IL1RAPL1: variants seen among roughly 807,000 people sequenced by gnomAD.
The protein encoded by IL1RAPL1 is interleukin 1 receptor accessory protein like 1, also known as interleukin-1 receptor accessory protein-like 1.
IL1RAPL1 carries 3 observed loss-of-function variants against 48.4 expected under a neutral mutation model. The observed-to-expected ratio is 0.06, with a 90% confidence interval of 0.03 to 0.16. IL1RAPL1 has a LOEUF of 0.16. Ranked by LOEUF, IL1RAPL1 falls within the 10% of genes least tolerant of loss-of-function variation. IL1RAPL1 has a pLI of 1.00. For missense variants in IL1RAPL1, 349 were observed against 530.6 expected (o/e 0.66, Z 3.36); for synonymous variants, 185 against 187.7 (o/e 0.99, Z 0.12).
chrX:29,016,311 A>G (rs1926239612), intron 2 of IL1RAPL1, among the ~76,000 whole-genome samples: 1 of 111,916 alleles, frequency 8.9e-6, no homozygotes, highest in Non-Finnish European at 1.9e-5. Flanking sequence ...GCTTATAGTT[A>G]CAAAGTAAGC....
chrX:28,962,699 A>G (rs1924813177), intron 2 of IL1RAPL1, among the ~76,000 whole-genome samples: 1 of 111,344 alleles, frequency 9.0e-6, no homozygotes, highest in African/African-American at 3.3e-5. Flanking sequence ...TTTACATTCT[A>G]TTAGGTGTTA....
chrX:29,955,841 C>T lies in IL1RAPL1; in HGVS notation c.*21C>T. The T allele has an allele frequency of 8.7e-6, 10 of 1,150,196 alleles. No homozygotes were observed. Among genetic ancestry groups the T allele is most frequent in the East Asian group, 3.0e-5 (1 of 33,552 alleles). 94.8% of individuals were successfully genotyped at this position (1,150,196 alleles called of 1,213,427 possible). On this transcript the variant is annotated 3_prime_UTR_variant, in exon 11 of 11. Transcript: ENST00000378993. ...GGTGACAGAAAAGCAAGGGACATCCCGTCCCTGGGAGGTTGAGTGGAATCT... is the reference window on the plus strand; with the variant it reads ...GGTGACAGAAAAGCAAGGGACATCCTGTCCCTGGGAGGTTGAGTGGAATCT...
intron 5 of IL1RAPL1, among the ~76,000 whole-genome samples, chrX:29,484,850 A>G (rs997134839): frequency 8.9e-6 from 1 of 112,025 alleles, no homozygotes; most frequent in African/African-American, 3.2e-5. Flanking sequence ...TTATGGAATA[A>G]AAGAAGAGAG....
intron 3 of IL1RAPL1, among the ~76,000 whole-genome samples, chrX:29,385,651 G>A (rs1234408569): frequency 1.8e-5 from 2 of 112,000 alleles, no homozygotes; most frequent in Admixed American, 9.4e-5. Flanking sequence ...ATGTTCTCAG[G>A]TTTCATCCAT....
intron 1 of IL1RAPL1, among the ~76,000 whole-genome samples, chrX:28,656,313 C>T (rs1014618534): frequency 2.7e-5 from 3 of 111,274 alleles, no homozygotes; most frequent in Non-Finnish European, 5.6e-5. Context: ...CTGCCTCTAG[C>T]CCTGCCACAG....
chrX:29,356,132 A>G (rs1011918221), intron 3 of IL1RAPL1, among the ~76,000 whole-genome samples: 1 of 111,394 alleles, frequency 9.0e-6, no homozygotes, highest in African/African-American at 3.3e-5. Flanking sequence ...ATATGTATTC[A>G]TGCATTAATT....
At chrX:29,802,816 T>C (rs771641615) in intron 6 of IL1RAPL1, among the ~76,000 whole-genome samples, 1 of 74,749 alleles carries the variant, frequency 1.3e-5, no homozygotes, top group African/African-American at 6.1e-5. Context: ...TATATGTGTG[T>C]ATATATATGT....
chrX:29,741,935 G>GAAAAAAAAAAAAAAA (rs1182352727), intron 6 of IL1RAPL1, among the ~76,000 whole-genome samples: 91 of 61,074 alleles, frequency 1.5e-3, no homozygotes, highest in Non-Finnish European at 1.8e-3. Flanking sequence ...AAAAAAAAAA[G>GAAAAAAAAAAAAAAA]AAAAAAAAAA....
At chrX:29,565,719 T>G (rs1922379039) in intron 5 of IL1RAPL1, among the ~76,000 whole-genome samples, 5 of 111,942 alleles carry the variant, frequency 4.5e-5, no homozygotes. Context: ...AAACTTTTGG[T>G]ATTTACCCTT....
intron 1 of IL1RAPL1, among the ~76,000 whole-genome samples, chrX:28,695,932 A>G (rs1238730979): frequency 8.9e-6 from 1 of 112,100 alleles, no homozygotes; most frequent in African/African-American, 3.2e-5. Flanking sequence ...GTGGCTCTCA[A>G]TAAATGATGG....
intron 6 of IL1RAPL1, among the ~76,000 whole-genome samples, chrX:29,723,284 T>C (rs1246417960): frequency 8.9e-6 from 1 of 112,673 alleles, no homozygotes; most frequent in Non-Finnish European, 1.9e-5. Flanking sequence ...GGTCTTGCTC[T>C]ATGGCCCAGG....
chrX:28,648,811 C>T (rs1221462252), intron 1 of IL1RAPL1, among the ~76,000 whole-genome samples: 2 of 111,555 alleles, frequency 1.8e-5, no homozygotes, highest in Non-Finnish European at 3.8e-5. Context: ...GTCCCTGTAA[C>T]GAACAATCAA....
At chrX:29,072,085 A>G (rs771675755) in intron 2 of IL1RAPL1, among the ~76,000 whole-genome samples, 40 of 110,787 alleles carry the variant, frequency 3.6e-4, no homozygotes, top group African/African-American at 1.3e-3. Flanking sequence ...GCTGACTTAT[A>G]TTTAAATATA....
intron 2 of IL1RAPL1, among the ~76,000 whole-genome samples, chrX:29,262,138 G>T (rs1399165082): frequency 9.0e-6 from 1 of 111,596 alleles, no homozygotes; most frequent in African/African-American, 3.3e-5. Context: ...TACCTACCGT[G>T]AATAAACCAA....
chrX:29,027,266 T>C (rs1448718575), intron 2 of IL1RAPL1, among the ~76,000 whole-genome samples: 2 of 112,536 alleles, frequency 1.8e-5, no homozygotes, highest in African/African-American at 6.5e-5. Flanking sequence ...CTTTCTAGAA[T>C]GTCACATATT....
At chrX:29,724,779 G>T (rs761650237) in intron 6 of IL1RAPL1, among the ~76,000 whole-genome samples, 2 of 111,933 alleles carry the variant, frequency 1.8e-5, no homozygotes, top group South Asian at 7.5e-4. Context: ...GAATATGGTT[G>T]TTTTGATGAT....
intron 2 of IL1RAPL1, among the ~76,000 whole-genome samples, chrX:28,898,267 A>G (rs1019247065): frequency 9.8e-5 from 11 of 111,783 alleles, no homozygotes; most frequent in African/African-American, 3.6e-4. Flanking sequence ...AGATTTTTAA[A>G]TTTTGATAAC....
chrX:29,041,509 A>T (rs1364771291), intron 2 of IL1RAPL1, among the ~76,000 whole-genome samples: 1 of 112,004 alleles, frequency 8.9e-6, no homozygotes. Context: ...TTACAGTTAA[A>T]CGATGATGTG....
At chrX:29,208,527 CG>C (rs1381964811) in intron 2 of IL1RAPL1, among the ~76,000 whole-genome samples, 1 of 108,702 alleles carries the variant, frequency 9.2e-6, no homozygotes, top group African/African-American at 3.3e-5. Context: ...CTGGCTAACA[CG>C]GTGAAACTCC....
Sources: allele counts gnomAD v4.1 joint callset (sites outside exome capture counted in the v4.1 genomes callset), GRCh38; gene constraint gnomAD v4.1.1; transcripts MANE v1.5; gene names NCBI Gene and HGNC (gene_info 2026-07-23, HGNC 2026-07-21).